The following NBEAL2 variants were observed in gnomAD, a reference collection of about 807,000 sequenced individuals.
NBEAL2 encodes neurobeachin like 2.
A neutral mutation model predicts 299.8 loss-of-function variants in NBEAL2; 160 were observed. The ratio of observed to expected loss-of-function variants is 0.53; its 90% CI spans 0.47 to 0.61. The LOEUF is 0.61. Among genes scored for constraint, NBEAL2 ranks in the 20% least tolerant of loss-of-function variants. The probability of loss-of-function intolerance (pLI) is 0.00; values close to 1 mark genes in which losing one functional copy is unlikely to be tolerated. For synonymous variants in NBEAL2, 1,493 were observed against 1,542.3 expected (o/e 0.97, Z 0.75); for missense variants, 3,112 against 3,649.0 (o/e 0.85, Z 3.79).
At position 46,999,005 on chromosome 3, in the gene NBEAL2, T is replaced by C; in HGVS notation, c.3431T>C (p.Leu1144Pro). 1 of 1,606,472 alleles carries C rather than the reference T, an allele frequency of 6.2e-7. No individual in the cohort carries two copies. The highest frequency in any genetic ancestry group is 1.1e-5 in the South Asian group (1 of 89,426). The change falls in exon 24 of 54, where the codon CTG (leucine) becomes CCG (proline). Residue 1144 changes from leucine to proline, a missense_variant. Leu to Pro is a moderately conservative substitution (Grantham distance 98). Around this residue, in one of 3 missense-constraint regions of NBEAL2, gnomAD observed 2,243 missense variants for 2,538.1 expected, o/e 0.88. Coordinates refer to ENST00000450053, the MANE Select transcript of NBEAL2 (RefSeq NM_015175.3). ...DLLLALLHGS[L>P]VQESLAVFLL... ...CTGCTGGCCCTGCTGCACGGTTCCC[T>C]GGTGCAGGAGTCCTTGGCTGTCTTT...
chr3:47,004,433 T>C lies in NBEAL2; in HGVS notation c.6198+40T>C. 1.3e-6 allele frequency: 2 copies of C among 1,595,516 alleles called. No individual in the cohort carries two copies. Among genetic ancestry groups the C allele is most frequent in the Non-Finnish European group, 1.7e-6 (2 of 1,167,984 alleles). The stretch of plus-strand genomic sequence containing the variant: ...TGTGAGGGATGTGAAGTCGGGACCC[T>C]GAATCACGGGGCAGTGCTGGACAGC... On this transcript the variant is annotated intron_variant, in intron 37 of 53. Coordinates refer to ENST00000450053, the MANE Select transcript of NBEAL2 (RefSeq NM_015175.3). This position sits in a 1 kb window ranked among gnomAD's most constrained non-coding sequence, Gnocchi z 5.0.
At position 47,004,246 on chromosome 3, in the gene NBEAL2, T is replaced by G. The variant is rs1457714827; in HGVS notation, c.6051T>G (p.Thr2017=). The change falls in exon 37 of 54, where the codon ACT becomes ACG. Residue 2017 remains threonine (T), a synonymous_variant. Coordinates refer to ENST00000450053, the MANE Select transcript of NBEAL2 (RefSeq NM_015175.3). The surrounding 1 kb of genome is among the most constrained non-coding windows in gnomAD (Gnocchi z 5.0). ...CCCCAGTCTCATCTCCTAGCCAGAC[T>G]CCCAGACCCCAGCCTGGCCCCATCC... ...GTTPVSSPSQ[T]PRPQPGPIPP... is the part of the protein sequence containing the mutation. The G allele has an allele frequency of 6.2e-7, 1 of 1,613,570 alleles. No individual in the cohort carries two copies. The highest frequency in any genetic ancestry group is 8.5e-7 in the Non-Finnish European group (1 of 1,179,804).
rs1285799647 is a variant in NBEAL2, at chr3:46,991,802, G to A, written c.926-38G>A. 1 of 1,567,030 alleles carries A rather than the reference G, an allele frequency of 6.4e-7. No homozygotes were observed. Among genetic ancestry groups the A allele is most frequent in the Non-Finnish European group, 8.7e-7 (1 of 1,154,912 alleles). On this transcript the variant is annotated intron_variant, in intron 8 of 53. Transcript: ENST00000450053. This position sits in a 1 kb window ranked among gnomAD's most constrained non-coding sequence, Gnocchi z 6.2. ...GAAGGAAGGCTTAAGGCTGCCTAGA[G>A]GGGTCTGGGCAGGGCCTGACCCTTG...
chr3:46,981,017 C>T (rs1279625138), intron 1 of NBEAL2, among the ~76,000 whole-genome samples: 1 of 152,228 alleles, frequency 6.6e-6, no homozygotes, highest in African/African-American at 2.4e-5. Context: ...GCCAGAAGGA[C>T]CACAGCCTCT....
chr3:46,982,829 G>A lies in NBEAL2; in HGVS notation c.51+2917G>A, dbSNP rs2035436103. 6.6e-6 allele frequency among the ~76,000 whole-genome samples: 1 copy of A among 152,126 alleles called. No individual in the cohort carries two copies. ...CAAGCAGGCCTGGTGGACAGGTGGG[G>A]GCTCATCTAGAGGACTCAGAGCCCA... is the stretch of plus-strand genomic sequence containing the variant. On this transcript the variant is annotated intron_variant, in intron 1 of 53. Transcript: ENST00000450053. This position sits in a 1 kb window ranked among gnomAD's most constrained non-coding sequence, Gnocchi z 4.2.
Position 47,003,994 on chromosome 3 carries a change from G to C in NBEAL2, c.5881+18G>C. The C allele has an allele frequency of 6.2e-7, 1 of 1,609,804 alleles. No homozygotes were observed. The highest frequency in any genetic ancestry group is 8.5e-7 in the Non-Finnish European group (1 of 1,176,776). On this transcript the variant is annotated intron_variant, in intron 36 of 53. Coordinates refer to ENST00000450053, the MANE Select transcript of NBEAL2 (RefSeq NM_015175.3). The surrounding 1 kb of genome is among the most constrained non-coding windows in gnomAD (Gnocchi z 7.0). ...CGAGGAGGGTGCGTCCTGGTGGTGT[G>C]GTTTAGGAGGATGGCAGGGAATGGC...
Position 46,988,974 on chromosome 3 carries a change from T to C in NBEAL2, c.269+4T>C. Reference sequence around the variant, plus strand: ...AGCTCTTCATCATTCTCTGCAGGTGTCTCTGTTGTCCACTCTACAAGCAGG... The same window carrying C: ...AGCTCTTCATCATTCTCTGCAGGTGCCTCTGTTGTCCACTCTACAAGCAGG... On this transcript the variant is annotated splice_donor_region_variant and intron_variant, in intron 3 of 53. Transcript: ENST00000450053. This position sits in a 1 kb window ranked among gnomAD's most constrained non-coding sequence, Gnocchi z 4.4. 1 of 1,612,518 alleles carries C rather than the reference T, an allele frequency of 6.2e-7. No homozygotes were observed. The highest frequency in any genetic ancestry group is 8.5e-7 in the Non-Finnish European group (1 of 1,179,020).
Position 47,003,121 on chromosome 3 carries a change from G to A in NBEAL2, c.5584+40G>A, listed in dbSNP as rs369060322. ...TGAGATGGGTCCACCCAACTCGATT[G>A]TCCCGTCTCCTGTCCTGCCTTGCTT... On this transcript the variant is annotated intron_variant, in intron 34 of 53. Coordinates refer to ENST00000450053, the MANE Select transcript of NBEAL2 (RefSeq NM_015175.3). The surrounding 1 kb of genome is among the most constrained non-coding windows in gnomAD (Gnocchi z 7.0). 1.9e-6 allele frequency: 3 copies of A among 1,610,528 alleles called. No homozygotes were observed. Among genetic ancestry groups the A allele is most frequent in the Admixed American group, 1.7e-5 (1 of 59,872 alleles).
rs2037047739 is a variant in NBEAL2 at position 47,002,060 on chromosome 3, C to T, written c.4923C>T (p.Ala1641=). The T allele has an allele frequency of 3.9e-6, 6 of 1,553,568 alleles. No individual in the cohort carries two copies. The highest frequency in any genetic ancestry group is 5.2e-6 in the Non-Finnish European group (6 of 1,148,634). Residue 1641 remains alanine, a synonymous_variant, in exon 31 of 54, where the codon GCC becomes GCT. Transcript: ENST00000450053. ...RVLNTSSLES[A]TDEAGSPLAA... Reference sequence around the variant, plus strand: ...TGAACACCTCTTCCTTGGAGTCAGCCACTGATGAGGCAGGGTCCCCACTTG... The same window carrying T: ...TGAACACCTCTTCCTTGGAGTCAGCTACTGATGAGGCAGGGTCCCCACTTG...
Position 47,001,479 on chromosome 3 carries a change from T to C in NBEAL2, c.4644+41T>C, listed in dbSNP as rs1180369978. On this transcript the variant is annotated intron_variant, in intron 29 of 53. Coordinates refer to ENST00000450053, the MANE Select transcript of NBEAL2 (RefSeq NM_015175.3). This position sits in a 1 kb window ranked among gnomAD's most constrained non-coding sequence, Gnocchi z 6.1. ...GAGGCGTGAGCCACATGAACACTCA[T>C]GTTCATGCAAGCCTGCAGGGATCTG... 2.5e-6 allele frequency: 4 copies of C among 1,596,652 alleles called. No homozygotes were observed. Among genetic ancestry groups the C allele is most frequent in the East Asian group, 2.3e-5 (1 of 44,050 alleles).
Position 47,007,167 on chromosome 3 carries a change from G to C in NBEAL2, c.7224+12G>C. ...CCCCAGACCTGTTGGTAAGTGCATT[G>C]TGCAGAGCCCCAGCTCAGCTCCACT... On this transcript the variant is annotated intron_variant, in intron 46 of 53. Coordinates refer to ENST00000450053, the MANE Select transcript of NBEAL2 (RefSeq NM_015175.3). 1.2e-6 allele frequency: 2 copies of C among 1,613,288 alleles called. No homozygotes were observed. The highest frequency in any genetic ancestry group is 1.7e-6 in the Non-Finnish European group (2 of 1,179,592).
At position 47,005,208 on chromosome 3, in the gene NBEAL2, G is replaced by C. The variant is rs2037333967; in HGVS notation, c.6447G>C (p.Gly2149=). 6.2e-7 allele frequency: 1 copy of C among 1,613,788 alleles called. No individual in the cohort carries two copies. The highest frequency in any genetic ancestry group is 1.3e-5 in the African/African-American group (1 of 75,054). The stretch of plus-strand genomic sequence containing the variant: ...ATGAAAGCTTTGAGGACCCAGCAGG[G>C]ACCATTGACAAGTTCCACTATGGCA... ...EKYESFEDPA[G]TIDKFHYGTH... The change falls in exon 40 of 54, where the codon GGG becomes GGC. Residue 2149 remains glycine, a synonymous_variant. Transcript: ENST00000450053.
At chr3:46,980,219 C>T (rs2107231751) in intron 1 of NBEAL2, among the ~76,000 whole-genome samples, 1 of 152,326 alleles carries the variant, frequency 6.6e-6, no homozygotes, top group South Asian at 2.1e-4. Context: ...CCGAGGCGGC[C>T]GGACACTTGG....
chr3:46,991,393 T>C lies in NBEAL2; in HGVS notation c.643-13T>C. ...GCCCCTTGCCCACTGCCCATCTCTGTCCACACCTGCAGGAGAACGGGCAGA... is the reference window on the plus strand; with the variant it reads ...GCCCCTTGCCCACTGCCCATCTCTGCCCACACCTGCAGGAGAACGGGCAGA... On this transcript the variant is annotated splice_polypyrimidine_tract_variant and intron_variant, in intron 7 of 53. Transcript: ENST00000450053. This position sits in a 1 kb window ranked among gnomAD's most constrained non-coding sequence, Gnocchi z 6.2. 2 of 1,596,316 alleles carry C rather than the reference T, an allele frequency of 1.3e-6. No individual in the cohort carries two copies. The highest frequency in any genetic ancestry group is 3.5e-5 in the Admixed American group (2 of 57,316).
chr3:46,995,691 A>G (rs771345771), intron 13 of NBEAL2, 23 bp from the exon 14 acceptor site: 8 of 1,612,078 alleles, frequency 5.0e-6, no homozygotes, highest in African/African-American at 1.3e-5. Context: ...ACAAGCAGAC[A>G]TAACTGGCTT....
intron 1 of NBEAL2, among the ~76,000 whole-genome samples, chr3:46,984,082 C>T (rs1331428633): frequency 1.3e-5 from 2 of 150,612 alleles, no homozygotes; most frequent in Non-Finnish European, 1.5e-5. Flanking sequence ...GGGCAGATCA[C>T]GAGGTCAGGA....
rs2037007422 is a variant in NBEAL2 at position 47,001,706 on chromosome 3, CA to C, written c.4663del (p.Ser1555AlafsTer47). The C allele has an allele frequency of 6.2e-7, 1 of 1,613,678 alleles. No homozygotes were observed. The highest frequency in any genetic ancestry group is 8.5e-7 in the Non-Finnish European group (1 of 1,179,840). ...TGTGGCAGCTCTTTGAAGGTGTATG[CA>C]GCCTACTTGATCGCCTGGGAGCCTG... ...WSEKLFEGVC[S>X]LLDRLGAWPH... is the part of the protein sequence containing the mutation. On this transcript the variant is annotated frameshift_variant, in exon 30 of 54. Coordinates refer to ENST00000450053, the MANE Select transcript of NBEAL2 (RefSeq NM_015175.3). LOFTEE classifies it high-confidence loss of function. The surrounding 1 kb of genome is among the most constrained non-coding windows in gnomAD (Gnocchi z 6.1).
At chr3:46,999,177 C>T in intron 24 of NBEAL2, 60 bp downstream of exon 24, 1 of 1,541,804 alleles carries the variant, frequency 6.5e-7, no homozygotes, top group Non-Finnish European at 8.8e-7. Flanking sequence ...GCCTGGGGTT[C>T]AGGGAGGTAC....
intron 6 of NBEAL2, among the ~76,000 whole-genome samples, chr3:46,990,476 C>A (rs2036003655): frequency 6.6e-6 from 1 of 152,216 alleles, no homozygotes; most frequent in Non-Finnish European, 1.5e-5. Flanking sequence ...TACCACTGAC[C>A]CCACCTCAGG....
Sources: gnomAD v4.1 joint callset for allele counts (sites outside exome capture counted in the v4.1 genomes callset) on GRCh38, gnomAD v4.1.1 for gene constraint, gnomAD v4.1.1 regional missense constraint, Gnocchi (gnomAD v3.1) non-coding constraint, MANE v1.5 for transcripts, NCBI Gene and HGNC (gene_info 2026-07-23, HGNC 2026-07-21) for gene names.